The following PTPRD variants were observed in gnomAD, a reference collection of about 807,000 sequenced individuals.
The protein encoded by PTPRD is protein tyrosine phosphatase receptor type D.
A neutral mutation model predicts 214.5 loss-of-function variants in PTPRD; 34 were observed. That is an observed-to-expected ratio of 0.16 (90% CI 0.12 to 0.21). PTPRD has a LOEUF of 0.21. Ranked by LOEUF, PTPRD falls within the 10% of genes least tolerant of loss-of-function variation. The pLI, the probability that PTPRD is intolerant of heterozygous loss-of-function variation, is 1.00. For missense variants in PTPRD, 2,545 were observed against 2,398.7 expected (o/e 1.06, Z -1.27); for synonymous variants, 1,128 against 845.7 (o/e 1.33, Z -5.79).
At chr9:9,028,780 C>G (rs184738873) in intron 10 of PTPRD, among the ~76,000 whole-genome samples, 1 of 152,014 alleles carries the variant, frequency 6.6e-6, no homozygotes, top group East Asian at 1.9e-4. Flanking sequence ...GCTAATGCGT[C>G]TCATGAGATG....
intron 8 of PTPRD, among the ~76,000 whole-genome samples, chr9:9,449,248 T>C (rs2091424311): frequency 6.6e-6 from 1 of 152,080 alleles, no homozygotes; most frequent in Non-Finnish European, 1.5e-5. Context: ...AGATATTGTA[T>C]TTTGAGTTGT....
At chr9:9,017,132 G>C (rs891703830) in intron 11 of PTPRD, among the ~76,000 whole-genome samples, 3 of 151,982 alleles carry the variant, frequency 2.0e-5, no homozygotes, top group African/African-American at 7.2e-5. Flanking sequence ...AAGACCCTTT[G>C]TTGCGATGAT....
At chr9:9,132,574 C>A (rs1445333425) in intron 10 of PTPRD, among the ~76,000 whole-genome samples, 1 of 152,120 alleles carries the variant, frequency 6.6e-6, no homozygotes, top group African/African-American at 2.4e-5. Flanking sequence ...ATGACACCTT[C>A]TTTGGAGACA....
At chr9:9,256,080 T>A (rs1184800903) in intron 9 of PTPRD, among the ~76,000 whole-genome samples, 2 of 152,108 alleles carry the variant, frequency 1.3e-5, no homozygotes, top group East Asian at 3.9e-4. Context: ...CCACTTGCCA[T>A]CTTCAGTGTT....
chr9:8,886,887 C>T (rs1411171698), intron 11 of PTPRD, among the ~76,000 whole-genome samples: 1 of 152,202 alleles, frequency 6.6e-6, no homozygotes, highest in Admixed American at 6.5e-5. Flanking sequence ...CACACACAAA[C>T]TGCATTTCTA....
At chr9:10,553,098 T>C (rs893528464) in intron 2 of PTPRD, among the ~76,000 whole-genome samples, 2 of 152,176 alleles carry the variant, frequency 1.3e-5, no homozygotes, top group Non-Finnish European at 2.9e-5. Context: ...AACATCTCCA[T>C]GCTGAGAATC....
chr9:8,499,873 A>G (rs2136854511), intron 24 of PTPRD, 33 bp from the exon 25 acceptor site: 2 of 1,570,698 alleles, frequency 1.3e-6, no homozygotes, highest in South Asian at 2.3e-5. Context: ...AAGAAATTAT[A>G]GGCACTTGTC....
chr9:10,171,830 T>A (rs2099209460), intron 3 of PTPRD, among the ~76,000 whole-genome samples: 1 of 152,058 alleles, frequency 6.6e-6, no homozygotes, highest in Non-Finnish European at 1.5e-5. Flanking sequence ...GCCTGGTATA[T>A]CTTTATTAGC....
chr9:9,034,355 A>C (rs2077775826), intron 10 of PTPRD, among the ~76,000 whole-genome samples: 1 of 152,076 alleles, frequency 6.6e-6, no homozygotes, highest in South Asian at 2.1e-4. Context: ...TCTTCCACTC[A>C]CTAGCTGTTT....
At chr9:10,254,631 A>G (rs2093084883) in intron 3 of PTPRD, among the ~76,000 whole-genome samples, 1 of 152,214 alleles carries the variant, frequency 6.6e-6, no homozygotes, top group African/African-American at 2.4e-5. Context: ...TCCTCACATT[A>G]CAAATAGAGT....
chr9:9,315,712 C>T (rs2802279), intron 9 of PTPRD, among the ~76,000 whole-genome samples: 151,820 of 151,822 alleles, frequency 1, 75,909 homozygotes, highest in Middle Eastern at 1. Context: ...AGTACATAAC[C>T]GTCTAAAAAA....
At chr9:8,990,350 G>T (rs541645606) in intron 11 of PTPRD, among the ~76,000 whole-genome samples, 2 of 152,270 alleles carry the variant, frequency 1.3e-5, no homozygotes, top group South Asian at 4.1e-4. Flanking sequence ...AAGTTCATAG[G>T]TTTACAGAAT....
intron 11 of PTPRD, among the ~76,000 whole-genome samples, chr9:8,753,594 G>A (rs7033599): frequency 0.051 from 7,699 of 152,174 alleles, 484 homozygotes; most frequent in African/African-American, 0.15. Flanking sequence ...AAAAAGTGAG[G>A]AGACATGATA....
At chr9:8,786,780 G>C (rs2096000161) in intron 11 of PTPRD, among the ~76,000 whole-genome samples, 1 of 151,794 alleles carries the variant, frequency 6.6e-6, no homozygotes. Context: ...GGGGCGAGGG[G>C]TGTATTTTCA....
intron 7 of PTPRD, among the ~76,000 whole-genome samples, chr9:9,600,105 T>C (rs2093640188): frequency 6.6e-6 from 1 of 152,082 alleles, no homozygotes; most frequent in South Asian, 2.1e-4. Flanking sequence ...ATGTTGTTTA[T>C]GTGTGCGGTA....
chr9:9,597,905 T>C (rs188394904), intron 7 of PTPRD, among the ~76,000 whole-genome samples: 264 of 152,154 alleles, frequency 1.7e-3, no homozygotes, highest in African/African-American at 6.1e-3. Context: ...AATAAAATCT[T>C]TCCCTAATTT....
In PTPRD at chr9:9,422,741, T is replaced by C. The variant is rs549739431; in HGVS notation, c.-236-25259A>G. 3.9e-5 allele frequency among the ~76,000 whole-genome samples: 6 copies of C among 152,144 alleles called. No homozygotes were observed. The South Asian group carries it at 6.2e-4, about 16-fold the overall frequency. ...ATTAAGATAGCTACGAATTGAGGGA[T>C]TGAGATCCTGACGAGAGAAGAGAGG... is the stretch of plus-strand genomic sequence containing the variant. On this transcript the variant is annotated intron_variant, in intron 8 of 45. Coordinates refer to ENST00000381196, the MANE Select transcript of PTPRD (RefSeq NM_002839.4).
chr9:8,865,963 G>A (rs765976967), intron 11 of PTPRD, among the ~76,000 whole-genome samples: 1 of 152,150 alleles, frequency 6.6e-6, no homozygotes, highest in African/African-American at 2.4e-5. Flanking sequence ...GAAGTCAAAA[G>A]AATTTGATCA....
intron 10 of PTPRD, among the ~76,000 whole-genome samples, chr9:9,107,309 C>A (rs1287433748): frequency 2.0e-5 from 3 of 152,126 alleles, no homozygotes; most frequent in Non-Finnish European, 1.5e-5. Flanking sequence ...TTCCTTCAAG[C>A]AAATTTGTCA....
Sources: gnomAD v4.1 joint callset for allele counts (sites outside exome capture counted in the v4.1 genomes callset) on GRCh38, gnomAD v4.1.1 for gene constraint, MANE v1.5 for transcripts, NCBI Gene and HGNC (gene_info 2026-07-23, HGNC 2026-07-21) for gene names.